EBF3: variants seen among roughly 807,000 people sequenced by gnomAD.
EBF3 encodes the protein transcription factor COE3.
EBF3 carries 18 observed loss-of-function variants against 77.1 expected under a neutral mutation model. That is an observed-to-expected ratio of 0.23 (90% CI 0.16 to 0.35). EBF3 has a LOEUF of 0.35. Ranked by LOEUF, EBF3 falls within the 10% of genes least tolerant of loss-of-function variation. The pLI, the probability that EBF3 is intolerant of heterozygous loss-of-function variation, is 1.00. For synonymous variants in EBF3, 350 were observed against 343.5 expected, an observed-to-expected ratio of 1.02 and a Z score of -0.21; for missense variants, 558 against 860.0, an observed-to-expected ratio of 0.65 and a Z score of 4.39.
chr10:129,931,566 C>T (rs72837172), intron 6 of EBF3, among the ~76,000 whole-genome samples: 6,824 of 152,332 alleles, frequency 0.045, 238 homozygotes, highest in African/African-American at 0.093. Flanking sequence ...TCTGGGGCCG[C>T]GACTGTGAGC....
intron 5 of EBF3, among the ~76,000 whole-genome samples, chr10:129,958,328 G>A (rs765321078): frequency 6.6e-6 from 1 of 152,170 alleles, no homozygotes; most frequent in Non-Finnish European, 1.5e-5. Flanking sequence ...CACATACAAA[G>A]TCAATGATGC....
chr10:129,864,923 T>C lies in EBF3; in HGVS notation c.1039+2218A>G, dbSNP rs1258785172. On this transcript the variant is annotated intron_variant, in intron 10 of 16. Transcript: ENST00000440978. The surrounding 1 kb of genome is among the most constrained non-coding windows in gnomAD (Gnocchi z 4.4). ...AGGACCATTTATGGAGTGCCTGCCA[T>C]GTGTTAGACACTGTACATAAGTCAT... 6.6e-6 allele frequency among the ~76,000 whole-genome samples: 1 copy of C among 152,220 alleles called. No homozygotes were observed. The highest frequency in any genetic ancestry group is 1.9e-4 in the East Asian group (1 of 5,198).
intron 6 of EBF3, among the ~76,000 whole-genome samples, chr10:129,919,948 C>T (rs1856153993): frequency 6.6e-6 from 1 of 152,152 alleles, no homozygotes; most frequent in South Asian, 2.1e-4. Context: ...GCCGCCCGCC[C>T]ACAAGCCCAC....
intron 6 of EBF3, among the ~76,000 whole-genome samples, chr10:129,881,394 A>G (rs1324630713): frequency 6.6e-6 from 1 of 152,164 alleles, no homozygotes; most frequent in Non-Finnish European, 1.5e-5. Flanking sequence ...TAGGTACCAG[A>G]GTAAATCAAG....
At position 129,946,381 on chromosome 10, in the gene EBF3, G is replaced by A. The variant is rs12268739; in HGVS notation, c.554+10877C>T. On this transcript the variant is annotated intron_variant, in intron 6 of 16. Coordinates refer to ENST00000440978, the MANE Select transcript of EBF3 (RefSeq NM_001375380.1). ...TAATTGCTGAAAATAATTAGAATGG[G>A]GTCTGAGGAAACATGAGCGGCAGTT... 1.7e-3 allele frequency among the ~76,000 whole-genome samples: 253 copies of A among 152,298 alleles called. 1 individual carries two copies. The highest frequency in any genetic ancestry group is 5.8e-3 in the African/African-American group (243 of 41,548).
chr10:129,853,778 C>T (rs1851057902), intron 10 of EBF3, among the ~76,000 whole-genome samples: 1 of 152,166 alleles, frequency 6.6e-6, no homozygotes, highest in Admixed American at 6.5e-5. Context: ...ATTTCAGTGA[C>T]AAAGTGCTAT....
intron 6 of EBF3, among the ~76,000 whole-genome samples, chr10:129,881,129 T>A (rs4142058): frequency 5.3e-5 from 8 of 152,002 alleles, no homozygotes; most frequent in Non-Finnish European, 1.0e-4. Context: ...ACTCTTGTTA[T>A]GAAAGGAAAA....
chr10:129,917,678 A>AAAAAAAAT (rs1338490370), intron 6 of EBF3, among the ~76,000 whole-genome samples: 1 of 150,210 alleles, frequency 6.7e-6, no homozygotes, highest in African/African-American at 2.4e-5. Context: ...AAAAAAAAAA[A>AAAAAAAAT]ACTAAAACCA....
At chr10:129,948,956 G>A (rs1858452529) in intron 6 of EBF3, among the ~76,000 whole-genome samples, 2 of 152,172 alleles carry the variant, frequency 1.3e-5, no homozygotes, top group Non-Finnish European at 2.9e-5. Flanking sequence ...TCTGTCAGAA[G>A]AGCATTTAGG....
intron 8 of EBF3, among the ~76,000 whole-genome samples, chr10:129,868,976 C>T (rs1852224266): frequency 6.6e-6 from 1 of 152,232 alleles, no homozygotes; most frequent in African/African-American, 2.4e-5. Flanking sequence ...GACTACTCTA[C>T]CCTTTAGGTG....
intron 6 of EBF3, 92 bp downstream of exon 6, chr10:129,957,166 C>A (rs1202601206): frequency 3.4e-6 from 4 of 1,185,432 alleles, no homozygotes; most frequent in Non-Finnish European, 4.9e-6. Context: ...CGACACCAGC[C>A]TCAAAAATAT....
intron 6 of EBF3, among the ~76,000 whole-genome samples, chr10:129,902,937 C>A (rs1270198954): frequency 1.3e-5 from 2 of 152,200 alleles, no homozygotes; most frequent in African/African-American, 2.4e-5. Context: ...CAAGAGACGG[C>A]GGCCTCTCTC....
Position 129,842,005 on chromosome 10 carries a change from A to T in EBF3, c.1372+111T>A. 7.2e-7 allele frequency: 1 copy of T among 1,394,022 alleles called. No individual in the cohort carries two copies. Among genetic ancestry groups the T allele is most frequent in the Non-Finnish European group, 9.9e-7 (1 of 1,011,556 alleles). The allele number at this position is 1,394,022 out of a possible 1,614,324, so 86.4% of individuals were successfully genotyped here. On this transcript the variant is annotated intron_variant, in intron 13 of 16. Coordinates refer to ENST00000440978, the MANE Select transcript of EBF3 (RefSeq NM_001375380.1). The surrounding 1 kb of genome is among the most constrained non-coding windows in gnomAD (Gnocchi z 4.4). ...GAACCAGCAGAGCCAGAGAGAACAG[A>T]ACGCTACGGACATTCCCCAGCTGGC...
rs1037077374 is a variant in EBF3 at position 129,841,102 on chromosome 10, G to C, written c.1373-70C>G. ...GACAGACACTTGGGGGGGGTTCCCC[G>C]AGAATCTATATCATATATTAACATT... On this transcript the variant is annotated intron_variant, in intron 13 of 16. Transcript: ENST00000440978. The surrounding 1 kb of genome is among the most constrained non-coding windows in gnomAD (Gnocchi z 4.6). The C allele has an allele frequency of 4.5e-6, 7 of 1,564,962 alleles. No individual in the cohort carries two copies. Among genetic ancestry groups the C allele is most frequent in the Non-Finnish European group, 6.1e-6 (7 of 1,155,728 alleles).
chr10:129,939,691 C>G (rs1460887829), intron 6 of EBF3, among the ~76,000 whole-genome samples: 1 of 152,238 alleles, frequency 6.6e-6, no homozygotes, highest in Non-Finnish European at 1.5e-5. Context: ...ACTGGACACT[C>G]TTCCCATGCT....
In EBF3 at chr10:129,841,721, A is replaced by C. The variant is rs1850073531; in HGVS notation, c.1372+395T>G. On this transcript the variant is annotated intron_variant, in intron 13 of 16. Transcript: ENST00000440978. This position sits in a 1 kb window ranked among gnomAD's most constrained non-coding sequence, Gnocchi z 4.6. ...GGGTCTGTCTCCATGGATTCGTTCC[A>C]AACTTAGACCCAAATCCCGCCGTGC... is the stretch of plus-strand genomic sequence containing the variant. 6.6e-6 allele frequency among the ~76,000 whole-genome samples: 1 copy of C among 152,270 alleles called. No homozygotes were observed. The highest frequency in any genetic ancestry group is 1.9e-4 in the East Asian group (1 of 5,164).
chr10:129,875,709 G>C (rs1056794529), intron 7 of EBF3, among the ~76,000 whole-genome samples: 1 of 152,238 alleles, frequency 6.6e-6, no homozygotes, highest in African/African-American at 2.4e-5. Flanking sequence ...CCAGCCTTGG[G>C]TATCTCAGCA....
In EBF3 at chr10:129,935,793, C is replaced by A. The variant is rs1857316765; in HGVS notation, c.554+21465G>T. Reference sequence around the variant, plus strand: ...AGAGCTTGGCCCTGCCACACCGGGGCCTCAGGCAAAGCCAAGGGCATAGAA... The same window carrying A: ...AGAGCTTGGCCCTGCCACACCGGGGACTCAGGCAAAGCCAAGGGCATAGAA... On this transcript the variant is annotated intron_variant, in intron 6 of 16. Transcript: ENST00000440978. This position sits in a 1 kb window ranked among gnomAD's most constrained non-coding sequence, Gnocchi z 4.2. 6.6e-6 allele frequency among the ~76,000 whole-genome samples: 1 copy of A among 152,228 alleles called. No individual in the cohort carries two copies. The highest frequency in any genetic ancestry group is 2.4e-5 in the African/African-American group (1 of 41,470).
At chr10:129,891,183 A>G (rs1468288258) in intron 6 of EBF3, among the ~76,000 whole-genome samples, 1 of 152,222 alleles carries the variant, frequency 6.6e-6, no homozygotes, top group Non-Finnish European at 1.5e-5. Context: ...GTCACAGTAT[A>G]TGGATATATT....
Sources: allele counts gnomAD v4.1 joint callset (sites outside exome capture counted in the v4.1 genomes callset), GRCh38; gene constraint gnomAD v4.1.1; non-coding constraint Gnocchi (gnomAD v3.1); transcripts MANE v1.5; gene names NCBI Gene and HGNC (gene_info 2026-07-23, HGNC 2026-07-21).